SMOC1: variants seen among roughly 807,000 people sequenced by gnomAD.
SMOC1 encodes SPARC related modular calcium binding 1, also known as SPARC-related modular calcium-binding protein 1.
SMOC1 carries 22 observed loss-of-function variants against 56.3 expected under a neutral mutation model. That is an observed-to-expected ratio of 0.39 (90% CI 0.28 to 0.56). The LOEUF is 0.56. Among genes scored for constraint, SMOC1 ranks in the 20% least tolerant of loss-of-function variants. The pLI is 0.61. For synonymous variants in SMOC1, 193 were observed against 215.0 expected (o/e 0.90, Z 0.89); for missense variants, 509 against 565.4 (o/e 0.90, Z 1.01).
chr14:69,879,442 C>A lies in SMOC1; in HGVS notation c.-237C>A, dbSNP rs879722662. ...GGCGTCCAACCTGCTGCCGCCTGGG[C>A]CCCGCCGAGCGGAGCTAGCGCCGCG... On this transcript the variant is annotated 5_prime_UTR_variant, in exon 1 of 12. Transcript: ENST00000361956. 1 of 384,100 alleles carries A rather than the reference C, an allele frequency of 2.6e-6. No individual in the cohort carries two copies. 23.8% of individuals were successfully genotyped at this position (384,100 alleles called of 1,614,324 possible).
chr14:70,014,112 C>T (rs556977103), intron 10 of SMOC1, among the ~76,000 whole-genome samples: 2 of 152,238 alleles, frequency 1.3e-5, no homozygotes, highest in Admixed American at 6.5e-5. Flanking sequence ...GATGCATGCA[C>T]GCATTCATCC....
chr14:69,945,223 T>C lies in SMOC1; in HGVS notation c.100-6915T>C, dbSNP rs549173122. On this transcript the variant is annotated intron_variant, in intron 1 of 11. Coordinates refer to ENST00000361956, the MANE Select transcript of SMOC1 (RefSeq NM_001034852.3). ...TAAGACACAATCTTTTATAGACGTG[T>C]AAATAGATAAATGATAATGCAGTAT... Among the ~76,000 whole-genome samples, 62 of 152,304 alleles carry C rather than the reference T, an allele frequency of 4.1e-4. 1 individual carries two copies. The South Asian group carries it at 0.013, about 31-fold the overall frequency.
At chr14:69,879,851 G>A in intron 1 of SMOC1, 74 bp downstream of exon 1, 2 of 1,318,536 alleles carry the variant, frequency 1.5e-6, no homozygotes, top group Non-Finnish European at 2.1e-6. Context: ...CCTGAGGGAA[G>A]GAGGAGGGGG....
At chr14:70,015,133 AAG>A (rs1244151586) in intron 10 of SMOC1, among the ~76,000 whole-genome samples, 13 of 152,234 alleles carry the variant, frequency 8.5e-5, no homozygotes, top group Admixed American at 8.5e-4. Flanking sequence ...TCAGTCTTAA[AAG>A]AGAGAGAAAT....
intron 1 of SMOC1, among the ~76,000 whole-genome samples, chr14:69,918,598 C>A (rs1356030548): frequency 6.6e-6 from 1 of 152,154 alleles, no homozygotes; most frequent in Non-Finnish European, 1.5e-5. Context: ...CCATCACTTA[C>A]CAGCTGGTGA....
intron 5 of SMOC1, among the ~76,000 whole-genome samples, chr14:69,989,892 G>T (rs76040851): frequency 6.6e-6 from 1 of 152,248 alleles, no homozygotes; most frequent in Admixed American, 6.5e-5. Flanking sequence ...GGAGATGATG[G>T]TTAGAGGGTG....
chr14:69,944,593 A>G (rs1594815746), intron 1 of SMOC1, among the ~76,000 whole-genome samples: 2 of 152,186 alleles, frequency 1.3e-5, no homozygotes, highest in Admixed American at 1.3e-4. Context: ...TTTTTTTTCC[A>G]TCTGGCTATT....
intron 3 of SMOC1, among the ~76,000 whole-genome samples, chr14:69,954,796 G>A (rs1883129088): frequency 6.6e-6 from 1 of 152,152 alleles, no homozygotes; most frequent in African/African-American, 2.4e-5. Context: ...GGGTTTAAAA[G>A]TTCCCCTGTA....
At chr14:69,923,484 T>A (rs1884907357) in intron 1 of SMOC1, among the ~76,000 whole-genome samples, 1 of 152,192 alleles carries the variant, frequency 6.6e-6, no homozygotes, top group African/African-American at 2.4e-5. Flanking sequence ...TTTATCTCAC[T>A]GGATTTTTCT....
rs756250343 is a variant in SMOC1, at chr14:69,895,649, T to C, written c.99+15872T>C. ...TGACTTCGGAAAACCTTCGGGAAGATTGACAGCTGAAATGAACAGAGATCA... is the reference window on the plus strand; with the variant it reads ...TGACTTCGGAAAACCTTCGGGAAGACTGACAGCTGAAATGAACAGAGATCA... On this transcript the variant is annotated intron_variant, in intron 1 of 11. Transcript: ENST00000361956. 4.6e-5 allele frequency among the ~76,000 whole-genome samples: 7 copies of C among 152,176 alleles called. No homozygotes were observed. The East Asian group carries it at 5.8e-4, about 13-fold the overall frequency.
chr14:69,970,297 G>A (rs1883711875), intron 3 of SMOC1, among the ~76,000 whole-genome samples: 1 of 152,154 alleles, frequency 6.6e-6, no homozygotes, highest in Admixed American at 6.5e-5. Context: ...CTTGAGGTCT[G>A]AGAGCTTTCC....
rs186165084 is a variant in SMOC1 at position 69,920,172 on chromosome 14, A to G, written c.100-31966A>G. On this transcript the variant is annotated intron_variant, in intron 1 of 11. Coordinates refer to ENST00000361956, the MANE Select transcript of SMOC1 (RefSeq NM_001034852.3). ...GCCCCTGCACTCGGGACAAAAGCCA[A>G]TGAAGCCCAAAAGCTTAGAGCCCCT... 3.9e-5 allele frequency among the ~76,000 whole-genome samples: 6 copies of G among 152,340 alleles called. No homozygotes were observed. The East Asian group carries it at 5.8e-4, about 15-fold the overall frequency.
chr14:69,970,213 C>A (rs1241253046), intron 3 of SMOC1, among the ~76,000 whole-genome samples: 2 of 152,116 alleles, frequency 1.3e-5, no homozygotes, highest in African/African-American at 4.8e-5. Context: ...ATTTACATGA[C>A]CCCAAAGAGT....
chr14:69,973,662 C>T (rs140268048), intron 3 of SMOC1, among the ~76,000 whole-genome samples: 9 of 152,288 alleles, frequency 5.9e-5, no homozygotes, highest in East Asian at 1.9e-4. Context: ...CATGCACCTT[C>T]GTGGTAGGAA....
At position 69,899,830 on chromosome 14, in the gene SMOC1, G is replaced by A. The variant is rs1884194998; in HGVS notation, c.99+20053G>A. Among the ~76,000 whole-genome samples the A allele has an allele frequency of 2.0e-5, 3 of 152,296 alleles. No individual in the cohort carries two copies. The South Asian group carries it at 6.2e-4, about 32-fold the overall frequency. ...TAGGCTTTCCTACCTAAACTGTTGA[G>A]GTTTAGATACCGGTTTAGGTTTTCT... On this transcript the variant is annotated intron_variant, in intron 1 of 11. Coordinates refer to ENST00000361956, the MANE Select transcript of SMOC1 (RefSeq NM_001034852.3).
In SMOC1 at chr14:69,953,411, C is replaced by T. The variant is rs1440530445; in HGVS notation, c.266-9C>T. On this transcript the variant is annotated splice_polypyrimidine_tract_variant and intron_variant, in intron 2 of 11. Coordinates refer to ENST00000361956, the MANE Select transcript of SMOC1 (RefSeq NM_001034852.3). ...GTGAAATATGAAATCTGCTCCTCTC[C>T]TCTTTCAGATGCTGGCCAGAGCAAG... 3 of 1,613,504 alleles carry T rather than the reference C, an allele frequency of 1.9e-6. No individual in the cohort carries two copies. In the Admixed American group the frequency reaches 5.0e-5, roughly 27 times the overall value.
chr14:70,021,609 T>C (rs1176614252), intron 10 of SMOC1, among the ~76,000 whole-genome samples: 2 of 152,114 alleles, frequency 1.3e-5, no homozygotes, highest in Non-Finnish European at 2.9e-5. Context: ...GATCCACTAA[T>C]TGCATCCTCC....
At chr14:70,000,125 C>CCTTGTT (rs1260348849) in intron 7 of SMOC1, among the ~76,000 whole-genome samples, 1 of 152,164 alleles carries the variant, frequency 6.6e-6, no homozygotes, top group Non-Finnish European at 1.5e-5. Context: ...ATCTGAGCAT[C>CCTTGTT]CTTGTTCTGT....
At chr14:70,015,864 A>G (rs540958683) in intron 10 of SMOC1, among the ~76,000 whole-genome samples, 1 of 152,210 alleles carries the variant, frequency 6.6e-6, no homozygotes, top group Non-Finnish European at 1.5e-5. Context: ...CTGTTGTTTC[A>G]TGCAAAAACA....
Sources: allele counts gnomAD v4.1 joint callset (sites outside exome capture counted in the v4.1 genomes callset), GRCh38; gene constraint gnomAD v4.1.1; transcripts MANE v1.5; gene names NCBI Gene and HGNC (gene_info 2026-07-23, HGNC 2026-07-21).